Variants in CAMK1D observed in about 807,000 individuals in gnomAD.
The protein encoded by CAMK1D is calcium/calmodulin dependent protein kinase ID.
Under a neutral mutation model 47.7 loss-of-function variants are expected in CAMK1D, and 9 were observed. The observed-to-expected ratio is 0.19, with a 90% CI of 0.11 to 0.33. The LOEUF is 0.33. Among genes scored for constraint, CAMK1D ranks in the 10% least tolerant of loss-of-function variants. The pLI is 1.00. For synonymous variants in CAMK1D, 184 were observed against 184.9 expected (o/e 0.99, Z 0.04); for missense variants, 291 against 488.7 (o/e 0.60, Z 3.81).
intron 1 of CAMK1D, among the ~76,000 whole-genome samples, chr10:12,521,427 A>G (rs939711357): frequency 2.6e-5 from 4 of 152,162 alleles, no homozygotes; most frequent in African/African-American, 9.7e-5. Flanking sequence ...TCTGATATTG[A>G]TTTCTGGCTT....
At chr10:12,759,734 A>G (rs1836412575) in intron 3 of CAMK1D, among the ~76,000 whole-genome samples, 1 of 152,226 alleles carries the variant, frequency 6.6e-6, no homozygotes, top group African/African-American at 2.4e-5. Context: ...ACTATAGGTA[A>G]TGGAAGAGAC....
chr10:12,595,364 A>AAAAAAAAAAAAAAAAAT, intron 2 of CAMK1D, among the ~76,000 whole-genome samples: 2 of 149,524 alleles, frequency 1.3e-5, no homozygotes, highest in East Asian at 2.0e-4. Context: ...AAAAAAAAAA[A>AAAAAAAAAAAAAAAAAT]GGATGGTTTT....
chr10:12,543,239 G>A (rs758250765), intron 1 of CAMK1D, among the ~76,000 whole-genome samples: 9 of 151,962 alleles, frequency 5.9e-5, no homozygotes, highest in South Asian at 2.1e-4. Context: ...CTATAGAGAC[G>A]GGTTTATGCA....
chr10:12,695,970 T>TG (rs1414302720), intron 3 of CAMK1D, among the ~76,000 whole-genome samples: 1 of 151,670 alleles, frequency 6.6e-6, no homozygotes, highest in Non-Finnish European at 1.5e-5. Context: ...CCCAGCTACT[T>TG]GGGAGGCTGA....
At chr10:12,441,288 G>A (rs933039931) in intron 1 of CAMK1D, among the ~76,000 whole-genome samples, 1 of 152,056 alleles carries the variant, frequency 6.6e-6, no homozygotes, top group African/African-American at 2.4e-5. Flanking sequence ...GCCTCCATCT[G>A]CTGGGCTGAA....
chr10:12,798,024 C>T (rs959570879), intron 6 of CAMK1D, among the ~76,000 whole-genome samples: 4 of 152,148 alleles, frequency 2.6e-5, no homozygotes, highest in African/African-American at 7.2e-5. Context: ...GACCTCAGGC[C>T]GTGTGGAATG....
intron 2 of CAMK1D, among the ~76,000 whole-genome samples, chr10:12,636,351 G>A (rs756799239): frequency 5.3e-5 from 8 of 152,140 alleles, no homozygotes; most frequent in African/African-American, 1.7e-4. Context: ...TTGTTGAGAC[G>A]GTATTTTGCT....
At chr10:12,706,849 G>A (rs1482235177) in intron 3 of CAMK1D, among the ~76,000 whole-genome samples, 1 of 152,158 alleles carries the variant, frequency 6.6e-6, no homozygotes, top group Non-Finnish European at 1.5e-5. Context: ...TGTGCTCTTG[G>A]AACACAGAAG....
At chr10:12,815,276 G>A (rs1415509954) in intron 7 of CAMK1D, among the ~76,000 whole-genome samples, 1 of 152,186 alleles carries the variant, frequency 6.6e-6, no homozygotes, top group African/African-American at 2.4e-5. Context: ...TTTTCTCGCT[G>A]GTAAGATGAG....
intron 2 of CAMK1D, among the ~76,000 whole-genome samples, chr10:12,563,682 AGAGAGAGAGAGAGAGAGG>A (rs1216631551): frequency 4.2e-4 from 53 of 127,414 alleles, no homozygotes; most frequent in Non-Finnish European, 6.9e-4. Context: ...AGAGAGAGAG[AGAGAGAGAGAGAGAGAGG>A]GAGAGAGAGG....
intron 2 of CAMK1D, among the ~76,000 whole-genome samples, chr10:12,573,164 C>T (rs1052643717): frequency 6.6e-6 from 1 of 152,208 alleles, no homozygotes; most frequent in African/African-American, 2.4e-5. Context: ...ATTAACATGA[C>T]CCCACAGGCC....
At chr10:12,626,607 A>G (rs1839224735) in intron 2 of CAMK1D, among the ~76,000 whole-genome samples, 1 of 151,426 alleles carries the variant, frequency 6.6e-6, no homozygotes, top group Non-Finnish European at 1.5e-5. Flanking sequence ...CTAAGCAGCT[A>G]GGATTATAGA....
chr10:12,587,984 T>C (rs903447649), intron 2 of CAMK1D, among the ~76,000 whole-genome samples: 1 of 152,180 alleles, frequency 6.6e-6, no homozygotes, highest in Non-Finnish European at 1.5e-5. Flanking sequence ...TAAGGATATA[T>C]GTACATGCAG....
intron 2 of CAMK1D, among the ~76,000 whole-genome samples, chr10:12,662,570 T>C (rs1025883102): frequency 2.6e-5 from 4 of 151,428 alleles, no homozygotes; most frequent in Non-Finnish European, 4.4e-5. Flanking sequence ...GGGAATGGCA[T>C]GAACCCGGGG....
At chr10:12,716,619 C>T (rs953731543) in intron 3 of CAMK1D, among the ~76,000 whole-genome samples, 1 of 152,176 alleles carries the variant, frequency 6.6e-6, no homozygotes, top group Non-Finnish European at 1.5e-5. Context: ...CCTGCACCTT[C>T]TTTGCCCCAT....
At chr10:12,789,934 A>G (rs964994125) in intron 5 of CAMK1D, among the ~76,000 whole-genome samples, 3 of 152,212 alleles carry the variant, frequency 2.0e-5, no homozygotes, top group Non-Finnish European at 2.9e-5. Flanking sequence ...CTCTTCTTGT[A>G]TTTTTCTACA....
intron 1 of CAMK1D, among the ~76,000 whole-genome samples, chr10:12,414,692 G>T (rs1360442927): frequency 4.6e-5 from 7 of 152,188 alleles, no homozygotes; most frequent in Non-Finnish European, 8.8e-5. Context: ...TGAAGAAAAT[G>T]TAGCAACTAT....
chr10:12,439,081 A>G (rs1434335576), intron 1 of CAMK1D, among the ~76,000 whole-genome samples: 1 of 152,220 alleles, frequency 6.6e-6, no homozygotes, highest in East Asian at 1.9e-4. Flanking sequence ...TCGCCAGGGT[A>G]GGACAGACAT....
rs916520885 is a variant in CAMK1D, at chr10:12,671,605, G to GTA, written c.299+4809_299+4810dup. On this transcript the variant is annotated intron_variant, in intron 3 of 10. Coordinates refer to ENST00000619168, the MANE Select transcript of CAMK1D (RefSeq NM_153498.4). ...ACTTACATATCTTCTTTGGAGATAT[G>GTA]TATATATATATATATGGAGATATAT... Among the ~76,000 whole-genome samples, 800 of 148,318 alleles carry GTA rather than the reference G, an allele frequency of 5.4e-3. 8 individuals are homozygous for GTA. The highest frequency in any genetic ancestry group is 0.018 in the African/African-American group (717 of 40,522).
Sources: gnomAD v4.1 joint callset for allele counts (sites outside exome capture counted in the v4.1 genomes callset) on GRCh38, gnomAD v4.1.1 for gene constraint, MANE v1.5 for transcripts, NCBI Gene and HGNC (gene_info 2026-07-23, HGNC 2026-07-21) for gene names.